The following CCDC102A variants were observed in gnomAD, a reference collection of about 807,000 sequenced individuals.
The protein encoded by CCDC102A is coiled-coil domain-containing protein 102A.
CCDC102A carries 40 observed loss-of-function variants against 55.5 expected under a neutral mutation model. The ratio of observed to expected loss-of-function variants is 0.72; its 90% CI spans 0.56 to 0.94. The LOEUF is 0.94. CCDC102A is among the 40% of genes least tolerant of loss of function. The pLI is 0.00. For synonymous variants in CCDC102A, 323 were observed against 339.0 expected, an observed-to-expected ratio of 0.95 and a Z score of 0.52; for missense variants, 779 against 768.6, an observed-to-expected ratio of 1.01 and a Z score of -0.16.
intron 1 of CCDC102A, among the ~76,000 whole-genome samples, chr16:57,536,075 C>T (rs1213528204): frequency 6.6e-6 from 1 of 152,198 alleles, no homozygotes. Context: ...ACCGCATGGC[C>T]CCCATTGGCA....
In CCDC102A at chr16:57,521,164, C is replaced by T. The variant is rs28446687; in HGVS notation, c.825G>A (p.Ala275=). ...VLLKEREDKL[A]LSRNIEKLEG... ...CTAGCTTCTCAATGTTCCTGCTCAACGCCAGTTTATCCCTGGGGAAGGGAC... is the reference window on the plus strand; with the variant it reads ...CTAGCTTCTCAATGTTCCTGCTCAATGCCAGTTTATCCCTGGGGAAGGGAC... Residue 275 remains alanine, a synonymous_variant, in exon 4 of 9, where the codon GCG becomes GCA. Transcript: ENST00000258214. 0.21 allele frequency: 341,656 copies of T among 1,610,424 alleles called. 38,326 individuals are homozygous for T. The highest frequency in any genetic ancestry group is 0.29 in the African/African-American group (21,898 of 74,830).
chr16:57,529,364 T>G lies in CCDC102A; in HGVS notation c.-147-40A>C. 1 of 760,376 alleles carries G rather than the reference T, an allele frequency of 1.3e-6. No homozygotes were observed. The highest frequency in any genetic ancestry group is 1.7e-6 in the Non-Finnish European group (1 of 594,848). 47.1% of individuals were successfully genotyped at this position (760,376 alleles called of 1,614,324 possible). A position where few individuals can be genotyped will look rare whatever the true frequency, so the allele number is the denominator to read the frequency against. On this transcript the variant is annotated intron_variant, in intron 1 of 8. Coordinates refer to ENST00000258214, the MANE Select transcript of CCDC102A (RefSeq NM_033212.4). This position sits in a 1 kb window ranked among gnomAD's most constrained non-coding sequence, Gnocchi z 4.1. Reference sequence around the variant, plus strand: ...AACCGTTATTGGACTGCGACCACCGTCAGTCTCGAAGATCAGCCGCGCCAA... The same window carrying G: ...AACCGTTATTGGACTGCGACCACCGGCAGTCTCGAAGATCAGCCGCGCCAA...
At chr16:57,525,805 A>C in intron 3 of CCDC102A, 96 bp downstream of exon 3, 1 of 1,099,310 alleles carries the variant, frequency 9.1e-7, no homozygotes. Context: ...TCTAAACACT[A>C]CCTGTCATCT....
Position 57,512,813 on chromosome 16 carries a change from A to C in CCDC102A, c.1581T>G (p.Phe527Leu), listed in dbSNP as rs2030137325. The C allele has an allele frequency of 1.9e-6, 3 of 1,614,016 alleles. No homozygotes were observed. Among genetic ancestry groups the C allele is most frequent in the African/African-American group, 2.7e-5 (2 of 74,942 alleles). Residue 527 changes from phenylalanine to leucine, a missense_variant, in exon 9 of 9, where the codon TTT becomes TTG. By Grantham distance (22) the Phe-to-Leu change is conservative (BLOSUM62 0). Transcript: ENST00000258214. Reference protein sequence around the residue: ...PLFGKIRSARFGTEEAEDGTS... With the variant: ...PLFGKIRSARLGTEEAEDGTS... The stretch of plus-strand genomic sequence containing the variant: ...TTCCATCCTCGGCCTCCTCGGTGCC[A>C]AAGCGAGCACTGCGGATCTTCCCGA...
At chr16:57,522,051 A>AT (rs2032060997) in intron 3 of CCDC102A, among the ~76,000 whole-genome samples, 1 of 152,240 alleles carries the variant, frequency 6.6e-6, no homozygotes. Context: ...CGTCCTGCCC[A>AT]TCAGGATGCA....
At chr16:57,533,485 C>A (rs1160709090) in intron 1 of CCDC102A, among the ~76,000 whole-genome samples, 1 of 151,294 alleles carries the variant, frequency 6.6e-6, no homozygotes, top group Admixed American at 6.6e-5. Flanking sequence ...CACATTCACA[C>A]ACACACCCCC....
intron 8 of CCDC102A, 109 bp downstream of exon 8, chr16:57,515,232 A>T (rs2031932582): frequency 4.1e-6 from 3 of 731,154 alleles, no homozygotes; most frequent in Non-Finnish European, 7.2e-6. Context: ...AGGCACCTGG[A>T]TCTCTTCCTT....
chr16:57,515,397 G>A lies in CCDC102A; in HGVS notation c.1467C>T (p.Asp489=), dbSNP rs143437166. ...GGTTCTCGCTCTGCTCCGTCTGCTC[G>A]TCCAGCGACCGCTGCAGCTTACGTG... ...NQARKLQRSL[D]EQTEQSENLQ... is the part of the protein sequence containing the mutation. Residue 489 remains aspartate, a synonymous_variant, in exon 8 of 9, where the codon GAC becomes GAT. Transcript: ENST00000258214. 284 of 1,609,648 alleles carry A rather than the reference G, an allele frequency of 1.8e-4. No homozygotes were observed. The East Asian group carries it at 4.6e-3, about 26-fold the overall frequency.
chr16:57,528,876 G>A lies in CCDC102A; in HGVS notation c.302C>T (p.Thr101Ile), dbSNP rs1302052783. Residue 101 changes from threonine to isoleucine, a missense_variant, in exon 2 of 9, where the codon ACT becomes ATT. By Grantham distance (89) the Thr-to-Ile change is moderately conservative (BLOSUM62 -1). Transcript: ENST00000258214. ...GCTCCATTTCTCGCGCCAATTGGCA[G>A]TGCAGTCCGACCACCGGCGCATGGT... ...EKTMRRWSDC[T>I]ANWREKWSKV... is the part of the protein sequence containing the mutation. 1 of 1,380,842 alleles carries A rather than the reference G, an allele frequency of 7.2e-7. No homozygotes were observed. The highest frequency in any genetic ancestry group is 9.4e-7 in the Non-Finnish European group (1 of 1,061,420). 85.5% of individuals were successfully genotyped at this position (1,380,842 alleles called of 1,614,324 possible). A position where few individuals can be genotyped will look rare whatever the true frequency, so the allele number is the denominator to read the frequency against.
chr16:57,535,402 C>T (rs1054908793), intron 1 of CCDC102A, among the ~76,000 whole-genome samples: 3 of 152,154 alleles, frequency 2.0e-5, no homozygotes, highest in Non-Finnish European at 2.9e-5. Flanking sequence ...TACATATGGA[C>T]CAACTGAGGC....
intron 1 of CCDC102A, among the ~76,000 whole-genome samples, chr16:57,533,966 G>A (rs940545593): frequency 2.8e-4 from 42 of 152,286 alleles, no homozygotes; most frequent in African/African-American, 9.6e-4. Context: ...CGGTGGGACC[G>A]GCCACCACAG....
Position 57,512,826 on chromosome 16 carries a change from C to G in CCDC102A, c.1568G>C (p.Arg523Pro), listed in dbSNP as rs770371158. 2.4e-5 allele frequency: 39 copies of G among 1,613,952 alleles called. No individual in the cohort carries two copies. The highest frequency in any genetic ancestry group is 8.3e-5 in the Admixed American group (5 of 60,002). Residue 523 changes from arginine (R) to proline (P), a missense_variant, in exon 9 of 9, where the codon CGC (arginine) becomes CCC (proline). By Grantham distance (103) the Arg-to-Pro change is moderately radical. Coordinates refer to ENST00000258214, the MANE Select transcript of CCDC102A (RefSeq NM_033212.4). The stretch of plus-strand genomic sequence containing the variant: ...CTCCTCGGTGCCAAAGCGAGCACTG[C>G]GGATCTTCCCGAAGAGGGGAGCGTT... ...QQNAPLFGKI[R>P]SARFGTEEAE...
chr16:57,514,874 G>C (rs572486590), intron 8 of CCDC102A, among the ~76,000 whole-genome samples: 19 of 152,326 alleles, frequency 1.2e-4, no homozygotes, highest in Non-Finnish European at 2.4e-4. Context: ...AGGGTTGGGA[G>C]AGGGAGGCAG....
chr16:57,529,351 A>G lies in CCDC102A; in HGVS notation c.-147-27T>C. 3.5e-6 allele frequency: 3 copies of G among 868,382 alleles called. No individual in the cohort carries two copies. The highest frequency in any genetic ancestry group is 4.3e-6 in the Non-Finnish European group (3 of 690,516). The allele number at this position is 868,382 out of a possible 1,614,324, so 53.8% of individuals were successfully genotyped here. On this transcript the variant is annotated intron_variant, in intron 1 of 8. Coordinates refer to ENST00000258214, the MANE Select transcript of CCDC102A (RefSeq NM_033212.4). The surrounding 1 kb of genome is among the most constrained non-coding windows in gnomAD (Gnocchi z 4.1). ...TACGGGAGAACACAACCGTTATTGG[A>G]CTGCGACCACCGTCAGTCTCGAAGA...
intron 3 of CCDC102A, 117 bp from the exon 4 acceptor site, chr16:57,521,293 G>A (rs1387771290): frequency 1.3e-6 from 1 of 755,008 alleles, no homozygotes; most frequent in African/African-American, 1.7e-5. Context: ...CAAAATCCTT[G>A]CCTTGGTATT....
chr16:57,519,353 T>C (rs1165996973), intron 4 of CCDC102A, among the ~76,000 whole-genome samples: 1 of 152,192 alleles, frequency 6.6e-6, no homozygotes, highest in East Asian at 1.9e-4. Context: ...AGGAGGGGCC[T>C]CCTCATCCCA....
chr16:57,518,532 C>T, intron 5 of CCDC102A, 93 bp downstream of exon 5: 1 of 1,061,224 alleles, frequency 9.4e-7, no homozygotes, highest in Non-Finnish European at 1.4e-6. Context: ...GAGCACAGTC[C>T]TGGCCCCTGC....
chr16:57,521,320 A>G, intron 3 of CCDC102A, 144 bp from the exon 4 acceptor site: 1 of 638,032 alleles, frequency 1.6e-6, no homozygotes. Flanking sequence ...CAGGCACCCT[A>G]TGTGGCTAGA....
At chr16:57,519,431 A>G (rs1431633253) in intron 4 of CCDC102A, among the ~76,000 whole-genome samples, 1 of 152,218 alleles carries the variant, frequency 6.6e-6, no homozygotes, top group Non-Finnish European at 1.5e-5. Flanking sequence ...GTGTCGTTGT[A>G]TGGCCTGGGC....
Sources: allele counts gnomAD v4.1 joint callset (sites outside exome capture counted in the v4.1 genomes callset), GRCh38; gene constraint gnomAD v4.1.1; non-coding constraint Gnocchi (gnomAD v3.1); transcripts MANE v1.5; gene names NCBI Gene and HGNC (gene_info 2026-07-23, HGNC 2026-07-21).